CDH2: variants seen among roughly 807,000 people sequenced by gnomAD.
The protein encoded by CDH2 is cadherin 2.
CDH2 carries 17 observed loss-of-function variants against 92.0 expected under a neutral mutation model. The ratio of observed to expected loss-of-function variants is 0.18; its 90% CI spans 0.13 to 0.28. The LOEUF (loss-of-function observed/expected upper bound fraction) is 0.28. CDH2 is among the 10% of genes least tolerant of loss of function. CDH2 has a pLI of 1.00. For missense variants in CDH2, 862 were observed against 1,133.1 expected (o/e 0.76, Z 3.44); for synonymous variants, 419 against 415.9 (o/e 1.01, Z -0.09).
chr18:27,991,260 TC>T (rs1042648569), intron 9 of CDH2, among the ~76,000 whole-genome samples: 1 of 152,176 alleles, frequency 6.6e-6, no homozygotes, highest in African/African-American at 2.4e-5. Flanking sequence ...TCTCTTAGGC[TC>T]ATAATTGGTA....
At chr18:28,166,149 C>CATATATATATATATATAAATATATATAT (rs1555648243) in intron 1 of CDH2, among the ~76,000 whole-genome samples, 7 of 59,292 alleles carry the variant, frequency 1.2e-4, no homozygotes, top group African/African-American at 5.2e-4. Flanking sequence ...CAGACACACT[C>CATATATATATATATATAAATATATATAT]ATATATATAT....
At chr18:27,962,242 T>C (rs757078092) in intron 15 of CDH2, among the ~76,000 whole-genome samples, 1 of 152,222 alleles carries the variant, frequency 6.6e-6, no homozygotes, top group African/African-American at 2.4e-5. Flanking sequence ...TTGCTTTCCA[T>C]GTGTTTTTAA....
intron 15 of CDH2, among the ~76,000 whole-genome samples, chr18:27,953,087 C>A (rs986919924): frequency 6.6e-6 from 1 of 152,038 alleles, no homozygotes; most frequent in Non-Finnish European, 1.5e-5. Flanking sequence ...TAATTGTAAA[C>A]TGGTATTTTA....
chr18:27,947,572 G>A (rs1175558321), downstream of CDH2, among the ~76,000 whole-genome samples: 1 of 151,808 alleles, frequency 6.6e-6, no homozygotes, highest in African/African-American at 2.4e-5. Context: ...ATTGAGTATT[G>A]TACAGGAATT....
intron 14 of CDH2, among the ~76,000 whole-genome samples, chr18:27,981,001 TA>T (rs1462756454): frequency 2.6e-5 from 4 of 152,284 alleles, no homozygotes; most frequent in African/African-American, 9.6e-5. Flanking sequence ...ACGGCCATAT[TA>T]AACAATTTAT....
chr18:28,029,979 C>T (rs984305441), intron 2 of CDH2, among the ~76,000 whole-genome samples: 4 of 152,086 alleles, frequency 2.6e-5, no homozygotes, highest in Admixed American at 2.0e-4. Flanking sequence ...GGCAAGCATC[C>T]TGTGCACGTA....
chr18:28,006,717 C>CAAAAAAAAAAAAAAA (rs35592550), intron 5 of CDH2, among the ~76,000 whole-genome samples: 1 of 77,618 alleles, frequency 1.3e-5, no homozygotes, highest in Admixed American at 1.4e-4. Context: ...GACTCTGTCT[C>CAAAAAAAAAAAAAAA]AAAAAAAAAA....
chr18:28,082,362 G>A (rs1259917927), intron 2 of CDH2, among the ~76,000 whole-genome samples: 2 of 152,096 alleles, frequency 1.3e-5, no homozygotes, highest in African/African-American at 4.8e-5. Flanking sequence ...AGTGAGCTAT[G>A]ATCACACAAC....
intron 2 of CDH2, among the ~76,000 whole-genome samples, chr18:28,143,817 T>TA (rs1568015354): frequency 6.6e-6 from 1 of 151,830 alleles, no homozygotes; most frequent in Non-Finnish European, 1.5e-5. Flanking sequence ...TATGCAGCCA[T>TA]AAAAAAAGAA....
chr18:28,073,878 C>T (rs2014667002), intron 2 of CDH2, among the ~76,000 whole-genome samples: 1 of 152,032 alleles, frequency 6.6e-6, no homozygotes, highest in African/African-American at 2.4e-5. Context: ...CAACCTTGCT[C>T]CTGGGGTTGC....
intron 6 of CDH2, among the ~76,000 whole-genome samples, chr18:27,935,561 G>T (rs1908997416): frequency 6.6e-6 from 1 of 152,150 alleles, no homozygotes; most frequent in Non-Finnish European, 1.5e-5. Flanking sequence ...TGACAAGGGG[G>T]TAGGCCAGAT....
chr18:27,969,836 TGCAA>T (rs1288468902), intron 14 of CDH2, among the ~76,000 whole-genome samples: 2 of 152,066 alleles, frequency 1.3e-5, no homozygotes, highest in Non-Finnish European at 2.9e-5. Flanking sequence ...GCCAACATGG[TGCAA>T]CCCTGTCTCT....
chr18:27,990,478 C>T, intron 9 of CDH2, 128 bp from the exon 10 acceptor site: 1 of 817,298 alleles, frequency 1.2e-6, no homozygotes, highest in South Asian at 2.0e-5. Context: ...AGGTTCCTCT[C>T]AAGTTTCTGG....
intron 2 of CDH2, among the ~76,000 whole-genome samples, chr18:28,033,891 TA>T (rs970352516): frequency 2.0e-5 from 3 of 152,034 alleles, no homozygotes; most frequent in East Asian, 3.9e-4. Context: ...TAAAAGATAC[TA>T]AAAAAATGCT....
At chr18:27,960,258 G>T (rs193278234) in intron 15 of CDH2, among the ~76,000 whole-genome samples, 1 of 152,190 alleles carries the variant, frequency 6.6e-6, no homozygotes, top group Non-Finnish European at 1.5e-5. Context: ...GGGTACCATG[G>T]GATGCCAGTG....
intron 2 of CDH2, among the ~76,000 whole-genome samples, chr18:28,125,332 C>T (rs1415497079): frequency 1.3e-5 from 2 of 152,146 alleles, no homozygotes; most frequent in African/African-American, 4.8e-5. Context: ...AGCAATGTTG[C>T]TGCTTAATAC....
intron 7 of CDH2, 43 bp from the exon 8 acceptor site, chr18:27,993,680 T>A: frequency 6.9e-7 from 1 of 1,440,548 alleles, no homozygotes; most frequent in South Asian, 1.2e-5. Context: ...AACTAATTCC[T>A]CAAGAAGACA....
chr18:27,949,862 C>T (rs896505049), downstream of CDH2, among the ~76,000 whole-genome samples: 4 of 151,702 alleles, frequency 2.6e-5, no homozygotes, highest in African/African-American at 7.3e-5. Context: ...TAAAACCTTA[C>T]AAACACTTAA....
chr18:27,938,057 T>C (rs1909057934), intron 6 of CDH2, among the ~76,000 whole-genome samples: 1 of 152,060 alleles, frequency 6.6e-6, no homozygotes, highest in African/African-American at 2.4e-5. Context: ...CTTTTTGCTG[T>C]CCTCGCGATA....
Sources: gnomAD v4.1 joint callset for allele counts (sites outside exome capture counted in the v4.1 genomes callset) on GRCh38, gnomAD v4.1.1 for gene constraint, MANE v1.5 for transcripts, NCBI Gene and HGNC (gene_info 2026-07-23, HGNC 2026-07-21) for gene names.